The following RANBP2 variants were observed in gnomAD, a reference collection of about 807,000 sequenced individuals.
RANBP2 encodes RAN binding protein 2, also known as E3 SUMO-protein ligase RanBP2.
RANBP2 carries 57 observed loss-of-function variants against 303.6 expected under a neutral mutation model. The observed-to-expected ratio is 0.19, with a 90% CI of 0.15 to 0.23. The LOEUF is 0.23. Among genes scored for constraint, RANBP2 ranks in the 10% least tolerant of loss-of-function variants. The pLI, the probability that RANBP2 is intolerant of heterozygous loss-of-function variation, is 1.00. For missense variants in RANBP2, 3,138 were observed against 3,780.8 expected, an observed-to-expected ratio of 0.83 and a Z score of 4.46; for synonymous variants, 1,167 against 1,301.5, an observed-to-expected ratio of 0.90 and a Z score of 2.23.
the RANBP2 span, among the ~76,000 whole-genome samples, chr2:109,492,465 G>A: frequency 6.6e-6 from 1 of 152,148 alleles, no homozygotes; most frequent in African/African-American, 2.4e-5. Context: ...TGGGTGTTCT[G>A]CACAGGGGTG....
chr2:109,621,718 C>G, the RANBP2 span, among the ~76,000 whole-genome samples: 1 of 151,842 alleles, frequency 6.6e-6, no homozygotes, highest in African/African-American at 2.4e-5. Flanking sequence ...TCGAGACCAG[C>G]CTGGCCAACA....
chr2:108,932,878 C>T, the RANBP2 span, among the ~76,000 whole-genome samples: 23 of 152,324 alleles, frequency 1.5e-4, no homozygotes, highest in African/African-American at 4.8e-4. Context: ...TGGAACTAAT[C>T]AGTTAACTGG....
At chr2:109,251,881 A>AGGG in the RANBP2 span, among the ~76,000 whole-genome samples, 1 of 152,328 alleles carries the variant, frequency 6.6e-6, no homozygotes, top group South Asian at 2.1e-4. Flanking sequence ...GATGGGTTCC[A>AGGG]GGGTTCTAGA....
At chr2:109,148,224 T>A in the RANBP2 span, among the ~76,000 whole-genome samples, 1 of 152,194 alleles carries the variant, frequency 6.6e-6, no homozygotes. Flanking sequence ...GCAAATTGGG[T>A]ACCTTCTGCA....
intron 1 of RANBP2, among the ~76,000 whole-genome samples, chr2:108,727,917 A>G (rs902040629): frequency 1.2e-4 from 19 of 152,114 alleles, no homozygotes; most frequent in African/African-American, 4.6e-4. Context: ...GTGCATCAGC[A>G]TTTTGGACTT....
the RANBP2 span, among the ~76,000 whole-genome samples, chr2:108,999,977 T>G: frequency 1.2e-4 from 19 of 152,188 alleles, no homozygotes; most frequent in Non-Finnish European, 2.5e-4. Context: ...GCCTGGTAAA[T>G]GACGACCTGC....
chr2:108,842,202 G>GTT, the RANBP2 span, among the ~76,000 whole-genome samples: 2 of 142,204 alleles, frequency 1.4e-5, no homozygotes, highest in Non-Finnish European at 3.1e-5. Flanking sequence ...TAATTAAAAA[G>GTT]TTTTTTTTTT....
At chr2:109,033,795 A>T in the RANBP2 span, among the ~76,000 whole-genome samples, 1,760 of 151,788 alleles carry the variant, frequency 0.012, 19 homozygotes, top group African/African-American at 0.04. Context: ...TCTACTAAAA[A>T]TACAAAAAAA....
chr2:108,835,651 C>T, the RANBP2 span, among the ~76,000 whole-genome samples: 152 of 152,216 alleles, frequency 1.0e-3, no homozygotes, highest in South Asian at 0.011. Context: ...CAAACTGTGA[C>T]GAAAACATAA....
the RANBP2 span, among the ~76,000 whole-genome samples, chr2:109,121,925 G>A: frequency 1.3e-5 from 2 of 152,164 alleles, no homozygotes; most frequent in Non-Finnish European, 2.9e-5. Flanking sequence ...TGGCCAAGGA[G>A]GCTATCTTTT....
chr2:109,284,374 G>A, the RANBP2 span, among the ~76,000 whole-genome samples: 3 of 152,222 alleles, frequency 2.0e-5, no homozygotes, highest in South Asian at 6.2e-4. Context: ...AGCTGCAGGA[G>A]ATGAAATCAA....
chr2:109,436,808 G>T, the RANBP2 span: 27 of 1,513,604 alleles, frequency 1.8e-5, no homozygotes, highest in Admixed American at 5.6e-4. Context: ...AAGCCAGCAG[G>T]TCAGAGCGAG....
At chr2:109,562,839 G>A in the RANBP2 span, among the ~76,000 whole-genome samples, 1 of 152,092 alleles carries the variant, frequency 6.6e-6, no homozygotes, top group Non-Finnish European at 1.5e-5. Flanking sequence ...GTCAGTTTAC[G>A]AGAATGACTG....
At chr2:109,650,984 G>A in the RANBP2 span, among the ~76,000 whole-genome samples, 303 of 152,316 alleles carry the variant, frequency 2.0e-3, 3 homozygotes, top group African/African-American at 7.1e-3. Flanking sequence ...GCAGGGCAGA[G>A]AGTGGAGGTA....
chr2:109,352,290 G>A, the RANBP2 span, among the ~76,000 whole-genome samples: 1 of 152,180 alleles, frequency 6.6e-6, no homozygotes, highest in African/African-American at 2.4e-5. Context: ...AATACTCGCA[G>A]GAAAGTAAGC....
chr2:109,242,287 T>C, the RANBP2 span, among the ~76,000 whole-genome samples: 1 of 152,174 alleles, frequency 6.6e-6, no homozygotes, highest in Non-Finnish European at 1.5e-5. Context: ...GCAGTTTTAA[T>C]GTCACCAATT....
chr2:109,142,052 G>GT, the RANBP2 span, among the ~76,000 whole-genome samples: 1 of 151,486 alleles, frequency 6.6e-6, no homozygotes, highest in Non-Finnish European at 1.5e-5. Flanking sequence ...CTGGGGGGGG[G>GT]GTCTCAGGTA....
At chr2:108,946,076 G>A in the RANBP2 span, among the ~76,000 whole-genome samples, 2 of 152,126 alleles carry the variant, frequency 1.3e-5, no homozygotes, top group Admixed American at 6.5e-5. Context: ...CATTAGGGAG[G>A]GCTGCCAAGT....
At chr2:109,298,492 G>A in the RANBP2 span, among the ~76,000 whole-genome samples, 1 of 152,124 alleles carries the variant, frequency 6.6e-6, no homozygotes, top group African/African-American at 2.4e-5. Context: ...CTGGGTGGGG[G>A]ATGATTTAGG....
Sources: gnomAD v4.1 joint callset for allele counts (sites outside exome capture counted in the v4.1 genomes callset) on GRCh38, gnomAD v4.1.1 for gene constraint, MANE v1.5 for transcripts, NCBI Gene and HGNC (gene_info 2026-07-23, HGNC 2026-07-21) for gene names.